FER1L5: variants seen among roughly 807,000 people sequenced by gnomAD.
FER1L5 encodes the protein fer-1 like family member 5.
In FER1L5, 187 loss-of-function variants were observed where a neutral mutation model predicts 279.9. That is an observed-to-expected ratio of 0.67 (90% CI 0.59 to 0.75). The LOEUF is 0.75. FER1L5 is among the 30% of genes least tolerant of loss of function. FER1L5 has a pLI of 0.00. For missense variants in FER1L5, 2,091 were observed against 2,594.4 expected (o/e 0.81, Z 4.21); for synonymous variants, 921 against 989.7 (o/e 0.93, Z 1.30).
chr2:96,659,348 TC>T lies in FER1L5; in HGVS notation c.748-991del, dbSNP rs1558853341. Among the ~76,000 whole-genome samples, 156 of 81,510 alleles carry T rather than the reference TC, an allele frequency of 1.9e-3. 21 individuals carry two copies. The highest frequency in any genetic ancestry group is 6.0e-3 in the Middle Eastern group (1 of 166). The allele number at this position is 81,510 out of a possible 152,430, so 53.5% of individuals were successfully genotyped here. ...TTCCTTCCTTCCTTCCTTCCTTCCT[TC>T]CTTCCTTCCTTCCTTCTTTCTTTCT... is the stretch of plus-strand genomic sequence containing the variant. On this transcript the variant is annotated intron_variant, in intron 9 of 52. Transcript: ENST00000624922.
chr2:96,660,450 A>G (rs1327522328), intron 10 of FER1L5, 79 bp downstream of exon 10: 8 of 1,276,634 alleles, frequency 6.3e-6, no homozygotes, highest in Non-Finnish European at 7.8e-6. Context: ...AAATCCCCAT[A>G]TGTCCAACAC....
Position 96,689,660 on chromosome 2 carries a change from G to A in FER1L5, c.2542G>A (p.Asp848Asn). ...TACCCCCAGGCTCCTCCTGGACATA[G>A]ACATCAACAAGAGCCAGGTGCTGGA... ...EPQRRLLLDIDINKSQVLEEV... is the reference protein window; with the variant it reads ...EPQRRLLLDININKSQVLEEV... Residue 848 changes from aspartate to asparagine, a missense_variant, in exon 26 of 53, where the codon GAC (aspartate) becomes AAC (asparagine). Transcript: ENST00000624922. This position sits in a 1 kb window ranked among gnomAD's most constrained non-coding sequence, Gnocchi z 4.6. The A allele has an allele frequency of 6.4e-7, 1 of 1,551,216 alleles. No homozygotes were observed. The highest frequency in any genetic ancestry group is 8.7e-7 in the Non-Finnish European group (1 of 1,146,904).
chr2:96,670,032 C>T, intron 17 of FER1L5, 87 bp from the exon 18 acceptor site: 1 of 1,521,772 alleles, frequency 6.6e-7, no homozygotes, highest in African/African-American at 1.4e-5. Flanking sequence ...ACTGGACAAC[C>T]TTGTCTTTGC....
intron 4 of FER1L5, among the ~76,000 whole-genome samples, chr2:96,648,527 GCT>G (rs1177745956): frequency 6.6e-6 from 1 of 152,242 alleles, no homozygotes; most frequent in Admixed American, 6.5e-5. Context: ...GGCATGTTTG[GCT>G]CTCTCTGGTT....
rs1418469324 is a variant in FER1L5, at chr2:96,659,288, GCTTTCCTT to G, written c.748-1051_748-1044del. On this transcript the variant is annotated intron_variant, in intron 9 of 52. Transcript: ENST00000624922. ...ATTTTGATGAAGTCCAATTTATCAA[GCTTTCCTT>G]CCTTCCTTCCTTCCTTCCTTCCTTC... is the stretch of plus-strand genomic sequence containing the variant. Among the ~76,000 whole-genome samples the G allele has an allele frequency of 2.4e-3, 241 of 100,178 alleles. 19 individuals are homozygous for G. The highest frequency in any genetic ancestry group is 0.012 in the Middle Eastern group (2 of 164). The allele number at this position is 100,178 out of a possible 152,430, so 65.7% of individuals were successfully genotyped here. A position where few individuals can be genotyped will look rare whatever the true frequency, so the allele number is the denominator to read the frequency against.
Position 96,668,965 on chromosome 2 carries a change from G to C in FER1L5, c.1264G>C (p.Glu422Gln). Residue 422 changes from glutamate to glutamine, a missense_variant, in exon 16 of 53, where the codon GAA (glutamate) becomes CAA (glutamine). Glu to Gln is a conservative substitution (Grantham distance 29, BLOSUM62 2). Transcript: ENST00000624922. Reference sequence around the variant, plus strand: ...GATCTCGTCCACCGGAGAAGAGATAGAAGGCAAGCAAAGCCTCGAGCCCAC... The same window carrying C: ...GATCTCGTCCACCGGAGAAGAGATACAAGGCAAGCAAAGCCTCGAGCCCAC... The part of the protein sequence containing the change: ...NQISSTGEEI[E>Q]GVYSGFLPCF... 5 of 1,551,644 alleles carry C rather than the reference G, an allele frequency of 3.2e-6. No individual in the cohort carries two copies. Among genetic ancestry groups the C allele is most frequent in the Non-Finnish European group, 4.4e-6 (5 of 1,146,978 alleles).
intron 39 of FER1L5, 134 bp from the exon 40 acceptor site, chr2:96,697,903 C>A: frequency 6.9e-7 from 1 of 1,455,006 alleles, no homozygotes; most frequent in Non-Finnish European, 9.3e-7. Flanking sequence ...GCCACCCTGT[C>A]TGAAGCACAC....
At chr2:96,647,710 T>C in intron 3 of FER1L5, 68 bp from the exon 4 acceptor site, 1 of 1,190,162 alleles carries the variant, frequency 8.4e-7, no homozygotes, top group Non-Finnish European at 1.2e-6. Context: ...GCTAAAGCCC[T>C]GCCCGGGAGA....
intron 34 of FER1L5, chr2:96,695,183 T>A (rs1166627044): frequency 7.4e-6 from 2 of 270,962 alleles, no homozygotes; most frequent in African/African-American, 2.2e-5. Flanking sequence ...ACCTGAGAAC[T>A]GATGAGGCCA....
chr2:96,695,211 G>C, intron 34 of FER1L5: 2 of 360,846 alleles, frequency 5.5e-6, no homozygotes, highest in Non-Finnish European at 1.0e-5. Flanking sequence ...CAGCGGGTGA[G>C]GAGGGGCAAT....
Position 96,694,498 on chromosome 2 carries a change from G to A in FER1L5, c.3741+34G>A, listed in dbSNP as rs1234800848. The A allele has an allele frequency of 4.7e-6, 7 of 1,504,652 alleles. No individual in the cohort carries two copies. Among genetic ancestry groups the A allele is most frequent in the Middle Eastern group, 1.7e-4 (1 of 5,824 alleles). The allele number at this position is 1,504,652 out of a possible 1,614,324, so 93.2% of individuals were successfully genotyped here. On this transcript the variant is annotated intron_variant, in intron 34 of 52. Coordinates refer to ENST00000624922, the MANE Select transcript of FER1L5 (RefSeq NM_001293083.2). The surrounding 1 kb of genome is among the most constrained non-coding windows in gnomAD (Gnocchi z 4.6). ...GATGTGGGATGGGGACGGTGGGCAG[G>A]ACAGGCGGGGGTGGTCTGGAGTGCG...
At chr2:96,645,536 C>T (rs2075082100) in intron 1 of FER1L5, among the ~76,000 whole-genome samples, 1 of 152,120 alleles carries the variant, frequency 6.6e-6, no homozygotes, top group Non-Finnish European at 1.5e-5. Context: ...GCCTGTAATC[C>T]CAACAATTTG....
At chr2:96,661,607 T>TG in intron 11 of FER1L5, 61 bp from the exon 12 acceptor site, 1 of 1,547,364 alleles carries the variant, frequency 6.5e-7, no homozygotes. Context: ...AAGCAAAGTC[T>TG]GGTGTCCTTG....
rs772097939 is a variant in FER1L5, at chr2:96,685,338, C to A, written c.1804C>A (p.Leu602Met). 2.8e-4 allele frequency: 433 copies of A among 1,551,236 alleles called. 1 individual carries two copies. Among genetic ancestry groups the A allele is most frequent in the Non-Finnish European group, 3.5e-4 (406 of 1,146,864 alleles). ...HFTRDRLKAN[L>M]DTLKSTRNPK... ...CTCTCCTGCTGGGCAGAAAGCCAAC[C>A]TGGACACCCTGAAATCCACGCGGAA... The change falls in exon 21 of 53, where the codon CTG becomes ATG. Residue 602 changes from leucine (L) to methionine (M), a missense_variant. Transcript: ENST00000624922.
rs543891490 is a variant in FER1L5 at position 96,687,113 on chromosome 2, C to T, written c.2230-703C>T. On this transcript the variant is annotated intron_variant, in intron 23 of 52. Coordinates refer to ENST00000624922, the MANE Select transcript of FER1L5 (RefSeq NM_001293083.2). Reference sequence around the variant, plus strand: ...CTGCTTCTAATCCTCCCTGGGGGGACGTGGGGGCCACTCCCTCCCCCTTCA... The same window carrying T: ...CTGCTTCTAATCCTCCCTGGGGGGATGTGGGGGCCACTCCCTCCCCCTTCA... Among the ~76,000 whole-genome samples, 48 of 152,238 alleles carry T rather than the reference C, an allele frequency of 3.2e-4. 1 individual carries two copies. Among genetic ancestry groups the T allele is most frequent in the Non-Finnish European group, 1.8e-4 (12 of 68,002 alleles).
At chr2:96,699,799 C>A in intron 43 of FER1L5, 79 bp downstream of exon 43, 1 of 1,584,410 alleles carries the variant, frequency 6.3e-7, no homozygotes, top group South Asian at 1.1e-5. Context: ...GAGAAGCCTG[C>A]ATCCTGGGCG....
Position 96,693,876 on chromosome 2 carries a change from A to C in FER1L5, c.3475-35A>C, listed in dbSNP as rs574417988. On this transcript the variant is annotated intron_variant, in intron 32 of 52. Transcript: ENST00000624922. ...CCAGACAGAGCTGGGCCCTGCCAGC[A>C]TGGCCTCCATGCTTTGTGAACTTCC... 2.0e-6 allele frequency: 3 copies of C among 1,516,426 alleles called. No homozygotes were observed. The Admixed American group carries it at 6.4e-5, about 32-fold the overall frequency. The allele number at this position is 1,516,426 out of a possible 1,614,324, so 93.9% of individuals were successfully genotyped here. A position where few individuals can be genotyped will look rare whatever the true frequency, so the allele number is the denominator to read the frequency against.
intron 5 of FER1L5, among the ~76,000 whole-genome samples, 157 bp from the exon 6 acceptor site, chr2:96,650,023 G>A (rs188514404): frequency 1.5e-3 from 226 of 152,344 alleles, no homozygotes; most frequent in African/African-American, 5.1e-3. Flanking sequence ...GGGGCCCATG[G>A]TAATGTTCTG....
At chr2:96,652,180 C>T in intron 7 of FER1L5, 160 bp downstream of exon 7, 1 of 996,086 alleles carries the variant, frequency 1.0e-6, no homozygotes, top group East Asian at 2.7e-5. Context: ...AAATACAGAA[C>T]AGTATAACTC....
Sources: allele counts gnomAD v4.1 joint callset (sites outside exome capture counted in the v4.1 genomes callset), GRCh38; gene constraint gnomAD v4.1.1; non-coding constraint Gnocchi (gnomAD v3.1); transcripts MANE v1.5; gene names NCBI Gene and HGNC (gene_info 2026-07-23, HGNC 2026-07-21).